Variants in FGF18 observed in about 807,000 individuals in gnomAD.
FGF18 encodes the protein fibroblast growth factor 18.
FGF18 carries 5 observed loss-of-function variants against 23.0 expected under a neutral mutation model. The observed-to-expected ratio is 0.22, with a 90% CI of 0.11 to 0.46. The LOEUF (loss-of-function observed/expected upper bound fraction) is 0.46. Ranked by LOEUF, FGF18 falls within the 20% of genes least tolerant of loss-of-function variation. The pLI, the probability that FGF18 is intolerant of heterozygous loss-of-function variation, is 0.99. For missense variants in FGF18, 180 were observed against 291.6 expected (o/e 0.62, Z 2.79); for synonymous variants, 117 against 118.9 (o/e 0.98, Z 0.10).
In FGF18 at chr5:171,436,302, G is replaced by A. The variant is rs181868610; in HGVS notation, c.250+29G>A. The A allele has an allele frequency of 1.8e-3, 2,671 of 1,452,320 alleles. 5 individuals carry two copies. The highest frequency in any genetic ancestry group is 3.4e-3 in the Admixed American group (144 of 41,742). 90.0% of individuals were successfully genotyped at this position (1,452,320 alleles called of 1,614,324 possible). On this transcript the variant is annotated intron_variant, in intron 3 of 4. Transcript: ENST00000274625. This position sits in a 1 kb window ranked among gnomAD's most constrained non-coding sequence, Gnocchi z 4.4. Reference sequence around the variant, plus strand: ...TGTGCCAACCCTCTCCTCCTACTCCGTGTACCCGTGTACATGTCCTTCCTG... The same window carrying A: ...TGTGCCAACCCTCTCCTCCTACTCCATGTACCCGTGTACATGTCCTTCCTG...
At chr5:171,420,357 C>T (rs1344296778) in intron 1 of FGF18, 50 bp from the exon 2 acceptor site, 7 of 1,608,388 alleles carry the variant, frequency 4.4e-6, no homozygotes, top group South Asian at 1.1e-5. Flanking sequence ...TCTGTCCGTG[C>T]GCCCCCTTCC....
At chr5:171,431,784 C>G (rs559249388) in intron 2 of FGF18, among the ~76,000 whole-genome samples, 3 of 152,110 alleles carry the variant, frequency 2.0e-5, no homozygotes, top group Admixed American at 6.5e-5. Context: ...GCAGACTGGG[C>G]GCGGTGGCTC....
intron 2 of FGF18, among the ~76,000 whole-genome samples, chr5:171,432,278 T>C (rs2113339826): frequency 6.6e-6 from 1 of 152,304 alleles, no homozygotes; most frequent in South Asian, 2.1e-4. Context: ...GCTATGCATG[T>C]GCTCTGGCAG....
chr5:171,425,903 G>T (rs1296094748), intron 2 of FGF18, among the ~76,000 whole-genome samples: 1 of 152,172 alleles, frequency 6.6e-6, no homozygotes, highest in Non-Finnish European at 1.5e-5. Flanking sequence ...TACAGAGGAA[G>T]AACAAGAGAG....
At chr5:171,425,529 CTTT>C (rs77671680) in intron 2 of FGF18, among the ~76,000 whole-genome samples, 6 of 106,198 alleles carry the variant, frequency 5.6e-5, no homozygotes, top group Middle Eastern at 6.5e-3. Context: ...CCGCCATGTG[CTTT>C]TTTTTTTTTT....
chr5:171,449,127 TCTC>T lies in FGF18; in HGVS notation c.251-17_251-15del. The stretch of plus-strand genomic sequence containing the variant: ...CCCCTGGTAATAAAATGTGTCTTGT[TCTC>T]CTTCTGCCTTTCGAAGCCCAGCTCC... On this transcript the variant is annotated splice_polypyrimidine_tract_variant and intron_variant, in intron 3 of 4. Coordinates refer to ENST00000274625, the MANE Select transcript of FGF18 (RefSeq NM_003862.3). 1 of 1,573,078 alleles carries T rather than the reference TCTC, an allele frequency of 6.4e-7. No homozygotes were observed. The highest frequency in any genetic ancestry group is 1.7e-5 in the Admixed American group (1 of 59,956).
Position 171,433,165 on chromosome 5 carries a change from A to G in FGF18, c.70-2928A>G, listed in dbSNP as rs571243201. Among the ~76,000 whole-genome samples the G allele has an allele frequency of 8.0e-4, 122 of 152,304 alleles. 2 individuals carry two copies. Among genetic ancestry groups the G allele is most frequent in the Middle Eastern group, 3.4e-3 (1 of 294 alleles). On this transcript the variant is annotated intron_variant, in intron 2 of 4. Coordinates refer to ENST00000274625, the MANE Select transcript of FGF18 (RefSeq NM_003862.3). ...GATCTGGCCACAGAATGGGGCTTCA[A>G]TGGTGGGAGCTGGGCAAGATGGATT...
chr5:171,421,552 A>G (rs963493308), intron 2 of FGF18, among the ~76,000 whole-genome samples: 1 of 151,818 alleles, frequency 6.6e-6, no homozygotes, highest in Non-Finnish European at 1.5e-5. Context: ...AGCCTTGAGC[A>G]CAGGAAATTG....
intron 3 of FGF18, among the ~76,000 whole-genome samples, chr5:171,448,242 G>C (rs894741392): frequency 6.6e-5 from 10 of 152,162 alleles, no homozygotes; most frequent in African/African-American, 2.4e-4. Flanking sequence ...ACCCTGGGGG[G>C]AATCCCAGTG....
rs1430322710 is a variant in FGF18 at position 171,440,795 on chromosome 5, C to A, written c.250+4522C>A. 6.6e-6 allele frequency among the ~76,000 whole-genome samples: 1 copy of A among 152,192 alleles called. No individual in the cohort carries two copies. On this transcript the variant is annotated intron_variant, in intron 3 of 4. Coordinates refer to ENST00000274625, the MANE Select transcript of FGF18 (RefSeq NM_003862.3). The surrounding 1 kb of genome is among the most constrained non-coding windows in gnomAD (Gnocchi z 4.0). Reference sequence around the variant, plus strand: ...GAGTCAGCACGCCCCAGTGCAGATGCTTCTCTGAGCCCCCAGGCTGGGTAC... The same window carrying A: ...GAGTCAGCACGCCCCAGTGCAGATGATTCTCTGAGCCCCCAGGCTGGGTAC...
At chr5:171,439,945 C>T (rs1039965957) in intron 3 of FGF18, among the ~76,000 whole-genome samples, 1 of 152,166 alleles carries the variant, frequency 6.6e-6, no homozygotes, top group Non-Finnish European at 1.5e-5. Context: ...TCCAGACTGA[C>T]AGTGCCCAGA....
In FGF18 at chr5:171,449,171, C is replaced by A; in HGVS notation, c.275C>A (p.Thr92Asn). The change falls in exon 4 of 5, where the codon ACC becomes AAC. Residue 92 changes from threonine (T) to asparagine (N), a missense_variant. Physicochemically the swap from Thr to Asn is moderately conservative, Grantham distance 65. Around this residue, in one of 3 missense-constraint regions of FGF18, gnomAD observed 83 missense variants for 190.4 expected, o/e 0.44. Transcript: ENST00000274625. The stretch of plus-strand genomic sequence containing the variant: ...GCCCAGCTCCTAGTGGAGACAGACA[C>A]CTTCGGTAGTCAAGTCCGGATCAAG... ...KYAQLLVETD[T>N]FGSQVRIKGK... 1 of 1,613,994 alleles carries A rather than the reference C, an allele frequency of 6.2e-7. No individual in the cohort carries two copies. The highest frequency in any genetic ancestry group is 8.5e-7 in the Non-Finnish European group (1 of 1,179,916).
At chr5:171,437,671 G>A (rs917433508) in intron 3 of FGF18, among the ~76,000 whole-genome samples, 1 of 152,062 alleles carries the variant, frequency 6.6e-6, no homozygotes, top group Non-Finnish European at 1.5e-5. Flanking sequence ...CCCATCCCTC[G>A]TGGCCCCCTC....
In FGF18 at chr5:171,436,377, T is replaced by C; in HGVS notation, c.250+104T>C. Reference sequence around the variant, plus strand: ...GCCAGCCTTGCTGCTCCTGGCTGTGTGATCTTGGACCTGGCACTGACCCTT... The same window carrying C: ...GCCAGCCTTGCTGCTCCTGGCTGTGCGATCTTGGACCTGGCACTGACCCTT... On this transcript the variant is annotated intron_variant, in intron 3 of 4. Coordinates refer to ENST00000274625, the MANE Select transcript of FGF18 (RefSeq NM_003862.3). This position sits in a 1 kb window ranked among gnomAD's most constrained non-coding sequence, Gnocchi z 4.4. 1.0e-6 allele frequency: 1 copy of C among 992,904 alleles called. No individual in the cohort carries two copies. The highest frequency in any genetic ancestry group is 2.5e-5 in the South Asian group (1 of 40,386). The allele number at this position is 992,904 out of a possible 1,614,324, so 61.5% of individuals were successfully genotyped here. A position where few individuals can be genotyped will look rare whatever the true frequency, so the allele number is the denominator to read the frequency against.
Position 171,436,534 on chromosome 5 carries a change from G to A in FGF18, c.250+261G>A. On this transcript the variant is annotated intron_variant, in intron 3 of 4. Coordinates refer to ENST00000274625, the MANE Select transcript of FGF18 (RefSeq NM_003862.3). This position sits in a 1 kb window ranked among gnomAD's most constrained non-coding sequence, Gnocchi z 4.4. ...AAATGCCCCATAAGTCGCATTTGCTGTGGTATCAGTGGCTTGCCTGGGATG... is the reference window on the plus strand; with the variant it reads ...AAATGCCCCATAAGTCGCATTTGCTATGGTATCAGTGGCTTGCCTGGGATG... Among the ~76,000 whole-genome samples, 1 of 152,230 alleles carries A rather than the reference G, an allele frequency of 6.6e-6. No individual in the cohort carries two copies. The highest frequency in any genetic ancestry group is 1.5e-5 in the Non-Finnish European group (1 of 68,048).
chr5:171,455,989 C>T (rs905503944), intron 4 of FGF18, among the ~76,000 whole-genome samples: 1 of 152,178 alleles, frequency 6.6e-6, no homozygotes, highest in African/African-American at 2.4e-5. Flanking sequence ...GAAGTGAAGG[C>T]TCTCTGTCCT....
intron 4 of FGF18, among the ~76,000 whole-genome samples, chr5:171,453,889 A>G (rs1478703452): frequency 2.0e-5 from 3 of 152,010 alleles, no homozygotes; most frequent in Non-Finnish European, 4.4e-5. Flanking sequence ...TGTTTTCTTC[A>G]GGAGGAAACC....
chr5:171,443,552 C>T (rs550286342), intron 3 of FGF18, among the ~76,000 whole-genome samples: 61 of 102,014 alleles, frequency 6.0e-4, no homozygotes, highest in African/African-American at 1.9e-3. Flanking sequence ...AGGGTTTCAC[C>T]GTGTTAGCCA....
intron 2 of FGF18, among the ~76,000 whole-genome samples, chr5:171,423,224 G>C (rs897459521): frequency 2.0e-5 from 3 of 152,210 alleles, no homozygotes; most frequent in African/African-American, 7.2e-5. Flanking sequence ...GCCACCCTGG[G>C]AAGTGGGAAG....
Sources: gnomAD v4.1 joint callset for allele counts (sites outside exome capture counted in the v4.1 genomes callset) on GRCh38, gnomAD v4.1.1 for gene constraint, gnomAD v4.1.1 regional missense constraint, Gnocchi (gnomAD v3.1) non-coding constraint, MANE v1.5 for transcripts, NCBI Gene and HGNC (gene_info 2026-07-23, HGNC 2026-07-21) for gene names.